The following XDH variants were observed in gnomAD, a reference collection of about 807,000 sequenced individuals.
XDH encodes the protein xanthine dehydrogenase.
A neutral mutation model predicts 156.1 loss-of-function variants in XDH; 138 were observed. That is an observed-to-expected ratio of 0.88 (90% CI 0.77 to 1.02). The LOEUF (loss-of-function observed/expected upper bound fraction) is 1.02, where lower values mean the gene tolerates loss of function less well. XDH is among the 50% of genes least tolerant of loss of function. The probability of loss-of-function intolerance (pLI) is 0.00; values close to 1 mark genes in which losing one functional copy is unlikely to be tolerated. For missense variants in XDH, 1,849 were observed against 1,684.9 expected, an observed-to-expected ratio of 1.10 and a Z score of -1.71; for synonymous variants, 669 against 625.7, an observed-to-expected ratio of 1.07 and a Z score of -1.03.
chr2:31,375,260 TG>T, intron 15 of XDH, 119 bp downstream of exon 15: 1 of 1,298,810 alleles, frequency 7.7e-7, no homozygotes, highest in Non-Finnish European at 1.1e-6. Context: ...GCTGTGACCC[TG>T]GTCCCTGCTA....
chr2:31,372,088 C>T (rs1686088706), intron 17 of XDH, 140 bp downstream of exon 17: 2 of 1,286,768 alleles, frequency 1.6e-6, no homozygotes, highest in Admixed American at 1.7e-5. Flanking sequence ...AGGTCTTCCC[C>T]TCTCTCTAGC....
chr2:31,410,999 T>C (rs1048466811), intron 1 of XDH, among the ~76,000 whole-genome samples: 2 of 152,152 alleles, frequency 1.3e-5, no homozygotes, highest in Non-Finnish European at 2.9e-5. Flanking sequence ...AATATATTTA[T>C]TCTGGCCAGG....
intron 30 of XDH, 126 bp from the exon 31 acceptor site, chr2:31,344,862 T>G: frequency 2.1e-6 from 2 of 942,696 alleles, no homozygotes; most frequent in South Asian, 1.4e-5. Flanking sequence ...TGACTCCCAT[T>G]TCCATACCTT....
At chr2:31,381,822 G>A (rs765396048) in intron 11 of XDH, 96 bp from the exon 12 acceptor site, 4 of 1,106,380 alleles carry the variant, frequency 3.6e-6, no homozygotes, top group Non-Finnish European at 5.4e-6. Context: ...GACACCTGCT[G>A]CAGGCAAACC....
In XDH at chr2:31,341,384, G is replaced by A. The variant is rs148972840; in HGVS notation, c.3530C>T (p.Thr1177Ile). Residue 1177 changes from threonine (T) to isoleucine (I), a missense_variant, in exon 33 of 36, where the codon ACA becomes ATA. Thr to Ile is a moderately conservative substitution (Grantham distance 89). Transcript: ENST00000379416. ...GGAGCCAACATCCATGACAATATCT[G>A]TGCGGAGGTTCTAGAGTAGACAGCA... is the stretch of plus-strand genomic sequence containing the variant. ...CLTGDHKNLR[T>I]DIVMDVGSSL... 4.4e-6 allele frequency: 7 copies of A among 1,578,180 alleles called. No homozygotes were observed. The Admixed American group carries it at 7.2e-5, about 16-fold the overall frequency.
chr2:31,394,732 A>C (rs1686857802), intron 6 of XDH, among the ~76,000 whole-genome samples: 2 of 151,590 alleles, frequency 1.3e-5, no homozygotes, highest in South Asian at 4.2e-4. Flanking sequence ...GTTTTCATTC[A>C]CTTCCTTTTC....
chr2:31,376,618 T>C (rs1325554816), intron 14 of XDH, among the ~76,000 whole-genome samples: 1 of 149,688 alleles, frequency 6.7e-6, no homozygotes, highest in Non-Finnish European at 1.5e-5. Flanking sequence ...ACAGCAATAA[T>C]ACTAATCATA....
chr2:31,354,331 T>C (rs1685569120), intron 24 of XDH, among the ~76,000 whole-genome samples: 1 of 152,170 alleles, frequency 6.6e-6, no homozygotes, highest in African/African-American at 2.4e-5. Context: ...CCATCATCTG[T>C]ACATTAATGA....
At position 31,349,827 on chromosome 2, in the gene XDH, C is replaced by T. The variant is rs138396004; in HGVS notation, c.2828G>A (p.Arg943Gln). 5.9e-5 allele frequency: 95 copies of T among 1,613,814 alleles called. No individual in the cohort carries two copies. The highest frequency in any genetic ancestry group is 1.9e-4 in the South Asian group (17 of 91,074). ...VTCGMPAEEV[R>Q]RKNLYKEGDL... ...CCCTTCTTTGTACAGGTTTTTTCTC[C>T]GCACCTTCCCAAGGAGAGAGACACA... Residue 943 changes from arginine (R) to glutamine (Q), a missense_variant, in exon 26 of 36, where the codon CGG (arginine) becomes CAG (glutamine). Transcript: ENST00000379416.
At chr2:31,409,840 C>A (rs564818519) in intron 1 of XDH, among the ~76,000 whole-genome samples, 21 of 152,130 alleles carry the variant, frequency 1.4e-4, no homozygotes, top group African/African-American at 5.1e-4. Context: ...GACAGTTCCA[C>A]AAAAAAGTAA....
intron 15 of XDH, 82 bp downstream of exon 15, chr2:31,375,298 G>T: frequency 6.4e-7 from 1 of 1,574,124 alleles, no homozygotes; most frequent in Non-Finnish European, 8.7e-7. Context: ...CCAGAGGAGA[G>T]GAGCAAATTT....
At chr2:31,360,478 G>A (rs1445085639) in intron 24 of XDH, among the ~76,000 whole-genome samples, 1 of 152,130 alleles carries the variant, frequency 6.6e-6, no homozygotes, top group African/African-American at 2.4e-5. Context: ...TCCAGCCTGG[G>A]TGACAGAGTG....
At chr2:31,358,829 A>T (rs1685697616) in intron 24 of XDH, among the ~76,000 whole-genome samples, 1 of 152,160 alleles carries the variant, frequency 6.6e-6, no homozygotes. Flanking sequence ...TTAATGGTGA[A>T]AGACTGGATG....
In XDH at chr2:31,386,626, A is replaced by G; in HGVS notation, c.652-71T>C. 4.4e-6 allele frequency: 7 copies of G among 1,597,282 alleles called. No individual in the cohort carries two copies. In the East Asian group the frequency reaches 1.6e-4, roughly 36 times the overall value. On this transcript the variant is annotated intron_variant, in intron 8 of 35. Transcript: ENST00000379416. ...GTCATTCCTCTTATAAATTGCTTTA[A>G]GTCCTCAATGGGATGTTTTACTGAC...
chr2:31,381,791 T>A, intron 11 of XDH, 65 bp from the exon 12 acceptor site: 1 of 1,452,230 alleles, frequency 6.9e-7, no homozygotes, highest in Non-Finnish European at 9.5e-7. Flanking sequence ...CGTAGCAGGC[T>A]CCTGAACATA....
intron 13 of XDH, among the ~76,000 whole-genome samples, chr2:31,378,022 T>C (rs1410062746): frequency 7.5e-6 from 1 of 133,146 alleles, no homozygotes; most frequent in Non-Finnish European, 1.6e-5. Flanking sequence ...TGAGAATCTG[T>C]CTCAAAAAAA....
chr2:31,348,272 A>AC lies in XDH; in HGVS notation c.3142dup (p.Val1048GlyfsTer6). On this transcript the variant is annotated frameshift_variant, in exon 28 of 36. Coordinates refer to ENST00000379416, the MANE Select transcript of XDH (RefSeq NM_000379.4). LOFTEE classifies it high-confidence loss of function. ...CTGCCAGAGAGGGCTGCTCACCTGG[A>AC]CCATTTTGGTATGAAGGCCTTGGCC... The AC allele has an allele frequency of 6.2e-7, 1 of 1,614,194 alleles. No individual in the cohort carries two copies. Among genetic ancestry groups the AC allele is most frequent in the Non-Finnish European group, 8.5e-7 (1 of 1,180,032 alleles).
Position 31,398,706 on chromosome 2 carries a change from G to T in XDH, c.307-7C>A. The T allele has an allele frequency of 1.9e-6, 3 of 1,613,532 alleles. No individual in the cohort carries two copies. The highest frequency in any genetic ancestry group is 2.5e-6 in the Non-Finnish European group (3 of 1,179,584). ...GGCTTTTGGCAATTCTCTCCTAAAA[G>T]ATACAGATGACATAGACACCTGGGA... On this transcript the variant is annotated splice_polypyrimidine_tract_variant and splice_region_variant and intron_variant, in intron 4 of 35. Transcript: ENST00000379416.
intron 15 of XDH, 65 bp from the exon 16 acceptor site, chr2:31,374,021 G>T (rs1443343398): frequency 3.9e-6 from 6 of 1,524,892 alleles, no homozygotes; most frequent in Non-Finnish European, 4.5e-6. Context: ...TTCCTTGCTT[G>T]TCCATAAAAA....
Sources: allele counts gnomAD v4.1 joint callset (sites outside exome capture counted in the v4.1 genomes callset), GRCh38; gene constraint gnomAD v4.1.1; transcripts MANE v1.5; gene names NCBI Gene and HGNC (gene_info 2026-07-23, HGNC 2026-07-21).